Variants in CCSER1 observed in about 807,000 individuals in gnomAD.
The protein encoded by CCSER1 is coiled-coil serine rich protein 1, also known as serine-rich coiled-coil domain-containing protein 1.
Under a neutral mutation model 82.0 loss-of-function variants are expected in CCSER1, and 41 were observed. The ratio of observed to expected loss-of-function variants is 0.50; its 90% CI spans 0.39 to 0.65. The LOEUF (loss-of-function observed/expected upper bound fraction) is 0.65. Among genes scored for constraint, CCSER1 ranks in the 30% least tolerant of loss-of-function variants. CCSER1 has a pLI of 0.00. For synonymous variants in CCSER1, 414 were observed against 383.9 expected, an observed-to-expected ratio of 1.08 and a Z score of -0.92; for missense variants, 1,119 against 1,064.2, an observed-to-expected ratio of 1.05 and a Z score of -0.72.
Position 91,603,297 on chromosome 4 carries a change from G to T in CCSER1, c.*4240G>T, listed in dbSNP as rs1764874263. On this transcript the variant is annotated 3_prime_UTR_variant, in exon 11 of 11. Coordinates refer to ENST00000509176, the MANE Select transcript of CCSER1 (RefSeq NM_001145065.2). Reference sequence around the variant, plus strand: ...GTTCTGTGCCAACTTGTTTCACCATGTTAAACTGCATACATACCCATGAAC... The same window carrying T: ...GTTCTGTGCCAACTTGTTTCACCATTTTAAACTGCATACATACCCATGAAC... The T allele has an allele frequency of 6.6e-6, 1 of 151,984 alleles. No individual in the cohort carries two copies. The highest frequency in any genetic ancestry group is 1.5e-5 in the Non-Finnish European group (1 of 67,954). 9.4% of individuals were successfully genotyped at this position (151,984 alleles called of 1,614,324 possible). A position where few individuals can be genotyped will look rare whatever the true frequency, so the allele number is the denominator to read the frequency against.
intron 1 of CCSER1, among the ~76,000 whole-genome samples, chr4:90,192,958 C>G (rs1393618137): frequency 1.3e-5 from 2 of 151,990 alleles, no homozygotes; most frequent in East Asian, 3.9e-4. Flanking sequence ...CAGCTTGTGC[C>G]CCACATATAA....
chr4:90,132,593 A>G (rs1267924272), intron 1 of CCSER1, among the ~76,000 whole-genome samples: 4 of 152,200 alleles, frequency 2.6e-5, no homozygotes, highest in Non-Finnish European at 5.9e-5. Context: ...TTAAACAACC[A>G]TATTGTATTT....
chr4:90,219,278 A>G (rs572698871), intron 1 of CCSER1, among the ~76,000 whole-genome samples: 1 of 152,190 alleles, frequency 6.6e-6, no homozygotes, highest in Non-Finnish European at 1.5e-5. Context: ...GTCATTGGTA[A>G]TTCCTATGTT....
intron 10 of CCSER1, among the ~76,000 whole-genome samples, chr4:91,575,829 TTATAAAAAAGACAAAA>T (rs1763425841): frequency 6.6e-6 from 1 of 151,786 alleles, no homozygotes; most frequent in Admixed American, 6.6e-5. Context: ...AGAATGACTA[TTATAAAAAAGACAAAA>T]TATAAAAAGG....
intron 1 of CCSER1, among the ~76,000 whole-genome samples, chr4:90,293,619 TAAG>T (rs977143676): frequency 2.0e-5 from 3 of 150,900 alleles, no homozygotes; most frequent in Admixed American, 1.3e-4. Flanking sequence ...ATAAAAAATT[TAAG>T]AAGATTTTTT....
At chr4:90,969,987 C>T (rs76363515) in intron 9 of CCSER1, among the ~76,000 whole-genome samples, 2,340 of 145,794 alleles carry the variant, frequency 0.016, 26 homozygotes, top group Non-Finnish European at 0.025. Context: ...ATTATACCAC[C>T]GCAAAAAAAA....
At chr4:91,517,346 C>T (rs1560731853) in intron 10 of CCSER1, among the ~76,000 whole-genome samples, 1 of 152,036 alleles carries the variant, frequency 6.6e-6, no homozygotes, top group Non-Finnish European at 1.5e-5. Context: ...AAAGATAACT[C>T]TTTATTTTAA....
intron 1 of CCSER1, among the ~76,000 whole-genome samples, chr4:90,290,584 A>G (rs1216644607): frequency 2.0e-5 from 3 of 152,028 alleles, no homozygotes; most frequent in African/African-American, 2.4e-5. Context: ...TGAATATGCA[A>G]CTGTTAGCCT....
At chr4:90,160,341 G>T (rs1729199285) in intron 1 of CCSER1, among the ~76,000 whole-genome samples, 1 of 152,314 alleles carries the variant, frequency 6.6e-6, no homozygotes, top group Non-Finnish European at 1.5e-5. Flanking sequence ...GAAATCACGT[G>T]TTTGGGCTCT....
chr4:91,102,437 A>T (rs1725164156), intron 10 of CCSER1, among the ~76,000 whole-genome samples: 1 of 152,116 alleles, frequency 6.6e-6, no homozygotes. Context: ...TTTCTTGTTT[A>T]TGTCTTTTCT....
chr4:91,048,170 T>TAA (rs1408973575), intron 9 of CCSER1, among the ~76,000 whole-genome samples: 2 of 152,030 alleles, frequency 1.3e-5, no homozygotes, highest in African/African-American at 4.8e-5. Flanking sequence ...TCCAAATAAT[T>TAA]AAGGTAACTG....
At chr4:90,477,670 C>A (rs1765299569) in intron 5 of CCSER1, among the ~76,000 whole-genome samples, 1 of 151,666 alleles carries the variant, frequency 6.6e-6, no homozygotes, top group Non-Finnish European at 1.5e-5. Flanking sequence ...AGCCCTTTTA[C>A]AACAAATGTT....
chr4:90,914,018 G>C (rs547747713), intron 8 of CCSER1, among the ~76,000 whole-genome samples: 1 of 152,110 alleles, frequency 6.6e-6, no homozygotes. Context: ...CCTACAAAGA[G>C]ACTTAGACTC....
chr4:91,259,589 CT>C (rs1279861775), intron 10 of CCSER1, among the ~76,000 whole-genome samples: 1 of 151,958 alleles, frequency 6.6e-6, no homozygotes. Context: ...TCTCCCTCCC[CT>C]AGCCCCCCAC....
intron 8 of CCSER1, among the ~76,000 whole-genome samples, chr4:90,907,978 T>C (rs1283588111): frequency 6.6e-6 from 1 of 152,124 alleles, no homozygotes; most frequent in Non-Finnish European, 1.5e-5. Context: ...GCATATTCTC[T>C]CATCCACCCA....
intron 10 of CCSER1, among the ~76,000 whole-genome samples, chr4:91,110,297 GA>G (rs75294307): frequency 6.6e-6 from 1 of 151,594 alleles, no homozygotes; most frequent in African/African-American, 2.4e-5. Flanking sequence ...TCTTCACTAG[GA>G]AAAAAATAAA....
rs10003175 is a variant in CCSER1, at chr4:90,298,839, G to A, written c.-41-9405G>A. On this transcript the variant is annotated intron_variant, in intron 1 of 10. Coordinates refer to ENST00000509176, the MANE Select transcript of CCSER1 (RefSeq NM_001145065.2). ...TTCTTAACAGTTATGCATTCACTGT[G>A]TCTAAACCTTAGTACATGGAACCGT... Among the ~76,000 whole-genome samples the A allele has an allele frequency of 6.0e-3, 915 of 152,158 alleles. 8 individuals are homozygous for A. Among genetic ancestry groups the A allele is most frequent in the African/African-American group, 0.021 (886 of 41,536 alleles).
At chr4:90,369,166 G>A (rs190103184) in intron 3 of CCSER1, among the ~76,000 whole-genome samples, 109 of 133,368 alleles carry the variant, frequency 8.2e-4, no homozygotes, top group African/African-American at 2.4e-3. Context: ...AGGAGAGGAG[G>A]AGGAAAAGGA....
intron 8 of CCSER1, among the ~76,000 whole-genome samples, chr4:90,877,705 G>GA (rs929814363): frequency 1.9e-4 from 26 of 137,412 alleles, no homozygotes; most frequent in East Asian, 6.4e-4. Flanking sequence ...AGAATAGAAG[G>GA]AAAAAAAAAG....
Sources: gnomAD v4.1 joint callset for allele counts (sites outside exome capture counted in the v4.1 genomes callset) on GRCh38, gnomAD v4.1.1 for gene constraint, MANE v1.5 for transcripts, NCBI Gene and HGNC (gene_info 2026-07-23, HGNC 2026-07-21) for gene names.